Variants in MET observed in about 807,000 individuals in gnomAD.
MET encodes the protein MET proto-oncogene, receptor tyrosine kinase, also known as hepatocyte growth factor receptor.
Under a neutral mutation model 133.1 loss-of-function variants are expected in MET, and 48 were observed. The ratio of observed to expected loss-of-function variants is 0.36; its 90% CI spans 0.29 to 0.46. The LOEUF is 0.46. Among genes scored for constraint, MET ranks in the 20% least tolerant of loss-of-function variants. MET has a pLI of 1.00. For missense variants in MET, 1,442 were observed against 1,695.9 expected, an observed-to-expected ratio of 0.85 and a Z score of 2.63; for synonymous variants, 628 against 616.5, an observed-to-expected ratio of 1.02 and a Z score of -0.28.
intron 1 of MET, among the ~76,000 whole-genome samples, chr7:116,682,879 T>C (rs1028427864): frequency 1.3e-5 from 2 of 152,204 alleles, no homozygotes; most frequent in Non-Finnish European, 1.5e-5. Flanking sequence ...TCTTTCCTTA[T>C]AGTTTAGAGA....
chr7:116,761,720 T>C (rs2116948048), intron 10 of MET, among the ~76,000 whole-genome samples: 1 of 152,238 alleles, frequency 6.6e-6, no homozygotes, highest in South Asian at 2.1e-4. Flanking sequence ...CCATCAGGAA[T>C]AAATAACTTT....
intron 2 of MET, among the ~76,000 whole-genome samples, chr7:116,712,477 A>T (rs1043521749): frequency 6.6e-6 from 1 of 152,238 alleles, no homozygotes; most frequent in African/African-American, 2.4e-5. Flanking sequence ...ATATACATTT[A>T]TCGGATGAGC....
chr7:116,773,799 A>G (rs969646477), intron 14 of MET, among the ~76,000 whole-genome samples: 1 of 152,168 alleles, frequency 6.6e-6, no homozygotes, highest in African/African-American at 2.4e-5. Flanking sequence ...ATTTATTATT[A>G]ATCAAACTGT....
rs767934760 is a variant in MET at position 116,699,306 on chromosome 7, T to C, written c.222T>C (p.Asn74=). The C allele has an allele frequency of 1.4e-5, 22 of 1,613,922 alleles. No individual in the cohort carries two copies. The South Asian group carries it at 1.8e-4, about 13-fold the overall frequency. Reference sequence around the variant, plus strand: ...CCACTAACTACATTTATGTTTTAAATGAGGAAGACCTTCAGAAGGTTGCTG... The same window carrying C: ...CCACTAACTACATTTATGTTTTAAACGAGGAAGACCTTCAGAAGGTTGCTG... ...LGATNYIYVL[N]EEDLQKVAEY... is the part of the protein sequence containing the mutation. The change falls in exon 2 of 21, where the codon AAT becomes AAC. Residue 74 remains asparagine (N), a synonymous_variant. Coordinates refer to ENST00000397752, the MANE Select transcript of MET (RefSeq NM_000245.4).
intron 2 of MET, among the ~76,000 whole-genome samples, chr7:116,711,599 GA>G: frequency 6.6e-6 from 1 of 151,678 alleles, no homozygotes; most frequent in East Asian, 1.9e-4. Flanking sequence ...AGCAGAAAGA[GA>G]AAATTGTATA....
intron 1 of MET, among the ~76,000 whole-genome samples, chr7:116,680,373 A>T (rs1043907705): frequency 3.9e-5 from 6 of 152,238 alleles, no homozygotes; most frequent in African/African-American, 1.4e-4. Context: ...ACAACTTGAA[A>T]AATGAATGAA....
At chr7:116,734,919 C>A (rs1793154546) in intron 3 of MET, among the ~76,000 whole-genome samples, 1 of 152,142 alleles carries the variant, frequency 6.6e-6, no homozygotes, top group Admixed American at 6.5e-5. Context: ...AATCTACATC[C>A]AGAACAATGC....
chr7:116,796,254 T>A lies in MET; in HGVS notation c.*130T>A. On this transcript the variant is annotated 3_prime_UTR_variant, in exon 21 of 21. Transcript: ENST00000397752. ...CTATTATAGGACTTGTATTGTTATT[T>A]AAATTACTGGATTCTAAGGAATTTC... 2.3e-6 allele frequency: 2 copies of A among 853,564 alleles called. No individual in the cohort carries two copies. The highest frequency in any genetic ancestry group is 3.9e-6 in the Non-Finnish European group (2 of 512,104). 52.9% of individuals were successfully genotyped at this position (853,564 alleles called of 1,614,324 possible).
chr7:116,728,834 C>T lies in MET; in HGVS notation c.1201-2834C>T, dbSNP rs150624732. On this transcript the variant is annotated intron_variant, in intron 2 of 20. Coordinates refer to ENST00000397752, the MANE Select transcript of MET (RefSeq NM_000245.4). ...CACACCCACCAGATTGTTTTTATAT[C>T]CCAGTGAATCCATTATGTCTCTGGC... 4.6e-3 allele frequency among the ~76,000 whole-genome samples: 707 copies of T among 152,266 alleles called. 4 individuals carry two copies. Among genetic ancestry groups the T allele is most frequent in the African/African-American group, 0.016 (662 of 41,530 alleles).
In MET at chr7:116,693,152, T is replaced by C. The variant is rs186945227; in HGVS notation, c.-14-5919T>C. The stretch of plus-strand genomic sequence containing the variant: ...TGAAAGCAATAATATGCCAAGTCAA[T>C]GGCATTGGTGTAAAATGTAATCATA... On this transcript the variant is annotated intron_variant, in intron 1 of 20. Coordinates refer to ENST00000397752, the MANE Select transcript of MET (RefSeq NM_000245.4). Among the ~76,000 whole-genome samples, 28 of 152,338 alleles carry C rather than the reference T, an allele frequency of 1.8e-4. No homozygotes were observed. The East Asian group carries it at 5.4e-3, about 29-fold the overall frequency.
chr7:116,784,974 G>A (rs1795266773), intron 19 of MET, among the ~76,000 whole-genome samples: 3 of 152,192 alleles, frequency 2.0e-5, no homozygotes. Flanking sequence ...TTCCAAACGG[G>A]AGAAATTGGC....
chr7:116,713,633 C>G (rs1399691058), intron 2 of MET, among the ~76,000 whole-genome samples: 3 of 152,016 alleles, frequency 2.0e-5, no homozygotes, highest in Non-Finnish European at 2.9e-5. Flanking sequence ...GGTTTCTGAT[C>G]AACAGGTCCT....
chr7:116,688,513 A>C (rs763228563), intron 1 of MET, among the ~76,000 whole-genome samples: 1 of 152,246 alleles, frequency 6.6e-6, no homozygotes, highest in Non-Finnish European at 1.5e-5. Flanking sequence ...TAATGGGACA[A>C]AAGCCCATCT....
In MET at chr7:116,782,062, G is replaced by A. The variant is rs1795174174; in HGVS notation, c.3597G>A (p.Lys1199=). 1.2e-6 allele frequency: 2 copies of A among 1,613,598 alleles called. No homozygotes were observed. The highest frequency in any genetic ancestry group is 2.7e-5 in the African/African-American group (2 of 74,912). Residue 1199 remains lysine (K), a synonymous_variant, in exon 18 of 21, where the codon AAG becomes AAA. Transcript: ENST00000397752. ...AKGMKYLASK[K]FVHRDLAARN... ...GCATGAAATATCTTGCAAGCAAAAAGTTTGTCCACAGAGACTTGGCTGCAA... is the reference window on the plus strand; with the variant it reads ...GCATGAAATATCTTGCAAGCAAAAAATTTGTCCACAGAGACTTGGCTGCAA...
chr7:116,712,480 G>C (rs551506116), intron 2 of MET, among the ~76,000 whole-genome samples: 1 of 152,102 alleles, frequency 6.6e-6, no homozygotes, highest in East Asian at 1.9e-4. Flanking sequence ...TACATTTATC[G>C]GATGAGCAAA....
At chr7:116,703,148 T>C (rs1373306317) in intron 2 of MET, among the ~76,000 whole-genome samples, 1 of 152,204 alleles carries the variant, frequency 6.6e-6, no homozygotes, top group African/African-American at 2.4e-5. Flanking sequence ...TGATGCTGTT[T>C]CTGGAAACTT....
intron 1 of MET, among the ~76,000 whole-genome samples, chr7:116,677,887 C>T (rs1440046371): frequency 6.6e-6 from 1 of 152,088 alleles, no homozygotes; most frequent in Non-Finnish European, 1.5e-5. Flanking sequence ...TTTCTGAAAC[C>T]TGAATCCATC....
intron 2 of MET, among the ~76,000 whole-genome samples, chr7:116,712,956 T>C (rs1250956651): frequency 2.0e-5 from 3 of 152,186 alleles, no homozygotes; most frequent in African/African-American, 4.8e-5. Flanking sequence ...ATACCATCTG[T>C]AAGAGGGACT....
intron 15 of MET, 104 bp from the exon 16 acceptor site, chr7:116,777,285 A>G (rs1178355837): frequency 2.0e-6 from 2 of 986,204 alleles, no homozygotes; most frequent in Admixed American, 1.7e-5. Context: ...CTTTTGCTGT[A>G]TAGAAAGAAG....
Sources: allele counts gnomAD v4.1 joint callset (sites outside exome capture counted in the v4.1 genomes callset), GRCh38; gene constraint gnomAD v4.1.1; transcripts MANE v1.5; gene names NCBI Gene and HGNC (gene_info 2026-07-23, HGNC 2026-07-21).